CNTN3: variants seen among roughly 807,000 people sequenced by gnomAD.
The protein encoded by CNTN3 is contactin 3.
A neutral mutation model predicts 119.1 loss-of-function variants in CNTN3; 60 were observed. That is an observed-to-expected ratio of 0.50 (90% CI 0.41 to 0.62). CNTN3 has a LOEUF of 0.62. CNTN3 is among the 20% of genes least tolerant of loss of function. The probability of loss-of-function intolerance (pLI) is 0.00; values close to 1 mark genes in which losing one functional copy is unlikely to be tolerated. For synonymous variants in CNTN3, 450 were observed against 438.7 expected (o/e 1.03, Z -0.32); for missense variants, 1,101 against 1,242.4 (o/e 0.89, Z 1.71).
chr3:74,589,072 A>G (rs1228719723), intron 1 of CNTN3, among the ~76,000 whole-genome samples: 1 of 151,064 alleles, frequency 6.6e-6, no homozygotes, highest in Non-Finnish European at 1.5e-5. Context: ...TAAAACACCA[A>G]AAGCAATGGC....
chr3:74,288,159 C>CTTTTTTTTTTTTTT (rs3084509), intron 19 of CNTN3, among the ~76,000 whole-genome samples: 2 of 90,376 alleles, frequency 2.2e-5, no homozygotes, highest in African/African-American at 6.7e-5. Context: ...CTTTTCTTTT[C>CTTTTTTTTTTTTTT]TTTTTTTTTT....
At chr3:74,553,311 A>ACATTT (rs1348935424) in intron 1 of CNTN3, among the ~76,000 whole-genome samples, 13 of 152,180 alleles carry the variant, frequency 8.5e-5, no homozygotes, top group Non-Finnish European at 1.8e-4. Flanking sequence ...TATATGTGCC[A>ACATTT]CATTTTCTTA....
chr3:74,293,238 AG>A (rs889613577), intron 19 of CNTN3, among the ~76,000 whole-genome samples: 1 of 152,184 alleles, frequency 6.6e-6, no homozygotes, highest in Non-Finnish European at 1.5e-5. Context: ...ATTCTGCTGT[AG>A]GGGGTTCACA....
chr3:74,473,311 A>T (rs1702599196), intron 4 of CNTN3, among the ~76,000 whole-genome samples: 1 of 152,160 alleles, frequency 6.6e-6, no homozygotes, highest in African/African-American at 2.4e-5. Flanking sequence ...TTAATTTCAT[A>T]GTATATCTGC....
At chr3:74,378,926 T>C (rs961573826) in intron 5 of CNTN3, among the ~76,000 whole-genome samples, 4 of 152,204 alleles carry the variant, frequency 2.6e-5, no homozygotes, top group Non-Finnish European at 5.9e-5. Context: ...AAGACTTTGG[T>C]ACTCACTATT....
At chr3:74,402,001 A>G (rs1484539419) in intron 5 of CNTN3, among the ~76,000 whole-genome samples, 1 of 152,172 alleles carries the variant, frequency 6.6e-6, no homozygotes, top group Non-Finnish European at 1.5e-5. Context: ...TGTTTCTTAG[A>G]TTAGAGGGGA....
chr3:74,418,660 C>G (rs961295495), intron 5 of CNTN3, among the ~76,000 whole-genome samples: 1 of 151,364 alleles, frequency 6.6e-6, no homozygotes, highest in Non-Finnish European at 1.5e-5. Context: ...ATTCTTTCTT[C>G]CCAAATAAAA....
intron 2 of CNTN3, among the ~76,000 whole-genome samples, chr3:74,511,306 T>TC (rs1703359327): frequency 6.6e-6 from 1 of 152,098 alleles, no homozygotes; most frequent in African/African-American, 2.4e-5. Context: ...CATCCATGGA[T>TC]GTCAGCAAGA....
At chr3:74,372,032 C>G (rs764086520) in intron 5 of CNTN3, among the ~76,000 whole-genome samples, 15 of 152,110 alleles carry the variant, frequency 9.9e-5, no homozygotes, top group African/African-American at 3.4e-4. Flanking sequence ...CAGGAATCAC[C>G]TCCTCAAGTG....
At chr3:74,550,806 T>A (rs1224925516) in intron 1 of CNTN3, among the ~76,000 whole-genome samples, 1 of 152,074 alleles carries the variant, frequency 6.6e-6, no homozygotes, top group Non-Finnish European at 1.5e-5. Context: ...CCTCCCAGAG[T>A]GCTAAGATTA....
At chr3:74,438,659 G>A (rs959356131) in intron 4 of CNTN3, among the ~76,000 whole-genome samples, 3 of 152,118 alleles carry the variant, frequency 2.0e-5, no homozygotes, top group Non-Finnish European at 2.9e-5. Flanking sequence ...CTAGTTAGTA[G>A]AGTAGTTATT....
chr3:74,327,705 G>C (rs1204551536), intron 13 of CNTN3, among the ~76,000 whole-genome samples: 1 of 151,820 alleles, frequency 6.6e-6, no homozygotes, highest in Non-Finnish European at 1.5e-5. Flanking sequence ...CCTTATTATT[G>C]GTGGAGGTGG....
chr3:74,475,047 C>A (rs1702630360), intron 4 of CNTN3, among the ~76,000 whole-genome samples: 1 of 152,108 alleles, frequency 6.6e-6, no homozygotes, highest in South Asian at 2.1e-4. Context: ...CCAATCAGAA[C>A]TTTTTTACTT....
At chr3:74,563,788 C>G (rs1320260467) in intron 1 of CNTN3, among the ~76,000 whole-genome samples, 1 of 152,124 alleles carries the variant, frequency 6.6e-6, no homozygotes, top group Non-Finnish European at 1.5e-5. Flanking sequence ...TCCTGAGACA[C>G]TTCGTTTTCA....
intron 13 of CNTN3, among the ~76,000 whole-genome samples, chr3:74,323,457 G>T (rs886855090): frequency 6.6e-6 from 1 of 152,132 alleles, no homozygotes; most frequent in Admixed American, 6.5e-5. Flanking sequence ...TGGGGATTTC[G>T]AAAGTTCTGG....
intron 3 of CNTN3, among the ~76,000 whole-genome samples, chr3:74,496,567 T>C (rs907670655): frequency 2.0e-5 from 3 of 152,046 alleles, no homozygotes; most frequent in Admixed American, 1.3e-4. Flanking sequence ...CCCCTTTAAA[T>C]GGCATCAGCA....
At chr3:74,340,984 T>A (rs1193839934) in intron 11 of CNTN3, among the ~76,000 whole-genome samples, 3 of 152,134 alleles carry the variant, frequency 2.0e-5, no homozygotes, top group Non-Finnish European at 4.4e-5. Flanking sequence ...TGTATTAGGT[T>A]TAGTAACTTT....
At chr3:74,485,662 G>C (rs924904505) in intron 4 of CNTN3, among the ~76,000 whole-genome samples, 8 of 148,946 alleles carry the variant, frequency 5.4e-5, no homozygotes, top group African/African-American at 2.0e-4. Context: ...ATAACTACAA[G>C]AAATCTCAGA....
chr3:74,468,699 G>A (rs996394164), intron 4 of CNTN3, among the ~76,000 whole-genome samples: 1 of 152,160 alleles, frequency 6.6e-6, no homozygotes, highest in Non-Finnish European at 1.5e-5. Context: ...TTCCATGAAT[G>A]CAACTGCAGT....
Sources: allele counts gnomAD v4.1 joint callset (sites outside exome capture counted in the v4.1 genomes callset), GRCh38; gene constraint gnomAD v4.1.1; transcripts MANE v1.5; gene names NCBI Gene and HGNC (gene_info 2026-07-23, HGNC 2026-07-21).